Variants in RANBP10 observed in about 807,000 individuals in gnomAD.
RANBP10 encodes RAN binding protein 10.
RANBP10 carries 24 observed loss-of-function variants against 72.8 expected under a neutral mutation model. The ratio of observed to expected loss-of-function variants is 0.33; its 90% CI spans 0.24 to 0.46. The LOEUF (loss-of-function observed/expected upper bound fraction) is 0.46, where lower values mean the gene tolerates loss of function less well. RANBP10 is among the 20% of genes least tolerant of loss of function. The probability of loss-of-function intolerance (pLI) is 1.00; values close to 1 mark genes in which losing one functional copy is unlikely to be tolerated. For missense variants in RANBP10, 679 were observed against 817.5 expected (o/e 0.83, Z 2.07); for synonymous variants, 310 against 322.3 (o/e 0.96, Z 0.41).
chr16:67,796,286 C>T (rs2055134016), intron 2 of RANBP10, among the ~76,000 whole-genome samples: 1 of 152,108 alleles, frequency 6.6e-6, no homozygotes, highest in African/African-American at 2.4e-5. Flanking sequence ...AAAAACAGGG[C>T]ATTCCATTTT....
chr16:67,792,420 G>A (rs146093637), intron 2 of RANBP10, among the ~76,000 whole-genome samples: 1,956 of 152,118 alleles, frequency 0.013, 39 homozygotes, highest in African/African-American at 0.042. Context: ...AAATTAGCCA[G>A]GCGTAGTGGC....
At chr16:67,794,125 C>T (rs2055081509) in intron 2 of RANBP10, among the ~76,000 whole-genome samples, 1 of 152,156 alleles carries the variant, frequency 6.6e-6, no homozygotes, top group Non-Finnish European at 1.5e-5. Flanking sequence ...TCAAGCAATC[C>T]TTCCGTCTTG....
At position 67,785,249 on chromosome 16, in the gene RANBP10, A is replaced by G. The variant is rs144927857; in HGVS notation, c.348-13163T>C. ...ATAAATAAAAAAGAAAGAAAGAAAG[A>G]AGGGAGGGAGGGAAGGAAGGGAAAA... On this transcript the variant is annotated intron_variant, in intron 2 of 13. Transcript: ENST00000317506. Among the ~76,000 whole-genome samples, 40 of 151,324 alleles carry G rather than the reference A, an allele frequency of 2.6e-4. No individual in the cohort carries two copies. In the East Asian group the frequency reaches 6.4e-3, roughly 24 times the overall value.
intron 3 of RANBP10, among the ~76,000 whole-genome samples, chr16:67,768,099 A>G (rs1163843998): frequency 2.6e-5 from 4 of 151,834 alleles, no homozygotes; most frequent in Non-Finnish European, 1.5e-5. Flanking sequence ...TAAAGAAAAA[A>G]GAACATACGG....
chr16:67,780,003 G>A (rs2054781279), intron 2 of RANBP10, among the ~76,000 whole-genome samples: 1 of 152,182 alleles, frequency 6.6e-6, no homozygotes, highest in Admixed American at 6.5e-5. Flanking sequence ...GGAGGCCAAG[G>A]CAGGTGGATC....
chr16:67,768,523 AAAAAATAAAAATAAAAAT>A (rs200140407), intron 3 of RANBP10, among the ~76,000 whole-genome samples: 6 of 151,584 alleles, frequency 4.0e-5, no homozygotes, highest in South Asian at 2.1e-4. Flanking sequence ...TCTGTCTCAA[AAAAAATAAAAATAAAAAT>A]AAAAATAAAA....
chr16:67,800,640 C>T (rs1459657321), intron 2 of RANBP10, among the ~76,000 whole-genome samples: 1 of 152,170 alleles, frequency 6.6e-6, no homozygotes, highest in Non-Finnish European at 1.5e-5. Context: ...TGTCTCCTCA[C>T]CCCACCAGAC....
chr16:67,793,925 A>G (rs1445995166), intron 2 of RANBP10, among the ~76,000 whole-genome samples: 1 of 151,494 alleles, frequency 6.6e-6, no homozygotes, highest in African/African-American at 2.4e-5. Context: ...TCTCATCCAC[A>G]CTGGAATGCA....
intron 2 of RANBP10, among the ~76,000 whole-genome samples, chr16:67,778,479 C>A (rs1180019795): frequency 1.3e-5 from 2 of 152,146 alleles, no homozygotes; most frequent in African/African-American, 4.8e-5. Flanking sequence ...AGCTTCATGA[C>A]ATTGGATTTG....
At chr16:67,775,790 T>TAAA (rs34379359) in intron 2 of RANBP10, among the ~76,000 whole-genome samples, 4 of 76,734 alleles carry the variant, frequency 5.2e-5, no homozygotes, top group Admixed American at 1.5e-4. Flanking sequence ...AGACTCCGTC[T>TAAA]AAAAAAAAAA....
chr16:67,772,807 T>C (rs566329386), intron 2 of RANBP10, among the ~76,000 whole-genome samples: 1 of 152,078 alleles, frequency 6.6e-6, no homozygotes, highest in Non-Finnish European at 1.5e-5. Flanking sequence ...CACCTGGAGG[T>C]AGAATGGCAC....
Position 67,729,374 on chromosome 16 carries a change from A to G in RANBP10, c.1258T>C (p.Ser420Pro). ...SSSSSSSSSS[S>P]SSPSSVNYSE... The stretch of plus-strand genomic sequence containing the variant: ...TAATTGACGGAGGATGGGGAAGAGG[A>G]CGAGGAGGAGGAGGAGGACGAGGAT... Residue 420 changes from serine to proline, a missense_variant, in exon 10 of 14, where the codon TCC becomes CCC. Physicochemically the swap from Ser to Pro is moderately conservative, Grantham distance 74. Coordinates refer to ENST00000317506, the MANE Select transcript of RANBP10 (RefSeq NM_020850.3). The surrounding 1 kb of genome is among the most constrained non-coding windows in gnomAD (Gnocchi z 7.1). 1 of 1,613,070 alleles carries G rather than the reference A, an allele frequency of 6.2e-7. No homozygotes were observed. Among genetic ancestry groups the G allele is most frequent in the Non-Finnish European group, 8.5e-7 (1 of 1,179,560 alleles).
intron 3 of RANBP10, among the ~76,000 whole-genome samples, chr16:67,752,971 GGCTCAT>G (rs1234823536): frequency 6.6e-6 from 1 of 152,126 alleles, no homozygotes; most frequent in East Asian, 1.9e-4. Context: ...TGGGTGCAGT[GGCTCAT>G]GCCTATAATC....
intron 4 of RANBP10, among the ~76,000 whole-genome samples, chr16:67,741,897 G>C (rs1000922050): frequency 6.6e-6 from 1 of 152,172 alleles, no homozygotes; most frequent in African/African-American, 2.4e-5. Flanking sequence ...TTGGGAAAAG[G>C]AAACAGAGAC....
At position 67,726,266 on chromosome 16, in the gene RANBP10, AG is replaced by A. The variant is rs2053596344; in HGVS notation, c.*161del. 3 of 1,077,200 alleles carry A rather than the reference AG, an allele frequency of 2.8e-6. No homozygotes were observed. Among genetic ancestry groups the A allele is most frequent in the African/African-American group, 1.6e-5 (1 of 63,706 alleles). 66.7% of individuals were successfully genotyped at this position (1,077,200 alleles called of 1,614,324 possible). A position where few individuals can be genotyped will look rare whatever the true frequency, so the allele number is the denominator to read the frequency against. The stretch of plus-strand genomic sequence containing the variant: ...AGAGACTGAGCGGGGTGGTGGGCAG[AG>A]AAAGGAAGGAAGGAAGGAAAGGGAG... On this transcript the variant is annotated 3_prime_UTR_variant, in exon 14 of 14. Coordinates refer to ENST00000317506, the MANE Select transcript of RANBP10 (RefSeq NM_020850.3).
At chr16:67,795,821 CT>C (rs1383511519) in intron 2 of RANBP10, among the ~76,000 whole-genome samples, 1 of 151,670 alleles carries the variant, frequency 6.6e-6, no homozygotes, top group Non-Finnish European at 1.5e-5. Flanking sequence ...CACCACTGCA[CT>C]CCAGCCTGGG....
chr16:67,795,772 G>A (rs181569156), intron 2 of RANBP10, among the ~76,000 whole-genome samples: 9 of 150,664 alleles, frequency 6.0e-5, no homozygotes, highest in African/African-American at 1.5e-4. Context: ...GGAGAGTGGC[G>A]TGAACCCGGA....
intron 2 of RANBP10, among the ~76,000 whole-genome samples, chr16:67,781,406 G>A (rs575538743): frequency 4.6e-5 from 7 of 152,184 alleles, no homozygotes; most frequent in Non-Finnish European, 8.8e-5. Context: ...GCGGCAACAA[G>A]GGCTTTTACT....
chr16:67,788,827 C>A (rs955030099), intron 2 of RANBP10, among the ~76,000 whole-genome samples: 3 of 142,796 alleles, frequency 2.1e-5, no homozygotes, highest in Non-Finnish European at 4.6e-5. Flanking sequence ...ATGGTGAACT[C>A]CATCTCTACT....
Sources: allele counts gnomAD v4.1 joint callset (sites outside exome capture counted in the v4.1 genomes callset), GRCh38; gene constraint gnomAD v4.1.1; non-coding constraint Gnocchi (gnomAD v3.1); transcripts MANE v1.5; gene names NCBI Gene and HGNC (gene_info 2026-07-23, HGNC 2026-07-21).